Variants in SEC14L5 observed in about 807,000 individuals in gnomAD.
The protein encoded by SEC14L5 is SEC14 like lipid binding 5, also known as SEC14-like protein 5.
SEC14L5 carries 96 observed loss-of-function variants against 84.6 expected under a neutral mutation model. The observed-to-expected ratio is 1.13, with a 90% CI of 0.96 to 1.34. SEC14L5 has a LOEUF of 1.34. Among genes scored for constraint, SEC14L5 ranks in the 40% most tolerant of loss-of-function variants. The pLI is 0.00. For missense variants in SEC14L5, 1,224 were observed against 942.5 expected (o/e 1.30, Z -3.91); for synonymous variants, 546 against 383.4 (o/e 1.42, Z -4.95).
At chr16:4,985,808 A>T (rs929428214) in intron 2 of SEC14L5, among the ~76,000 whole-genome samples, 1 of 150,776 alleles carries the variant, frequency 6.6e-6, no homozygotes, top group Non-Finnish European at 1.5e-5. Context: ...AAATTATATT[A>T]TATAGAAACA....
intron 2 of SEC14L5, among the ~76,000 whole-genome samples, chr16:4,982,679 C>T (rs1168382577): frequency 6.6e-6 from 1 of 152,194 alleles, no homozygotes; most frequent in Non-Finnish European, 1.5e-5. Flanking sequence ...CTGTGTGAGA[C>T]ACACGGAGAG....
At chr16:4,981,242 G>A (rs987502498) in intron 2 of SEC14L5, among the ~76,000 whole-genome samples, 2 of 142,750 alleles carry the variant, frequency 1.4e-5, no homozygotes, top group African/African-American at 2.6e-5. Flanking sequence ...GCACCAGCAC[G>A]TCTAGCTAAT....
Position 5,011,256 on chromosome 16 carries a change from CG to C in SEC14L5, c.1963del (p.Ala655ProfsTer140). On this transcript the variant is annotated frameshift_variant, in exon 15 of 16. Coordinates refer to ENST00000251170, the MANE Select transcript of SEC14L5 (RefSeq NM_014692.2). LOFTEE classifies it high-confidence loss of function. ...CKLLYYCEVL[A>X]SEDFRGSMSS... Reference sequence around the variant, plus strand: ...AACTTCTCTACTACTGTGAGGTGCTCGCCTCTGAGGACTTCAGGTAGGAGGG... The same window carrying C: ...AACTTCTCTACTACTGTGAGGTGCTCCCTCTGAGGACTTCAGGTAGGAGGG... The C allele has an allele frequency of 6.2e-7, 1 of 1,613,708 alleles. No homozygotes were observed. Among genetic ancestry groups the C allele is most frequent in the Non-Finnish European group, 8.5e-7 (1 of 1,179,810 alleles).
chr16:5,012,173 G>A (rs1245112961), intron 15 of SEC14L5, among the ~76,000 whole-genome samples: 2 of 152,156 alleles, frequency 1.3e-5, no homozygotes, highest in Non-Finnish European at 2.9e-5. Flanking sequence ...TCAGGGGGCT[G>A]GCGATTCACT....
At chr16:5,008,027 C>G (rs899274320) in intron 13 of SEC14L5, among the ~76,000 whole-genome samples, 12 of 151,734 alleles carry the variant, frequency 7.9e-5, no homozygotes, top group African/African-American at 2.7e-4. Context: ...TCTGCCTCAG[C>G]CTCCCGAGTA....
At chr16:5,004,344 G>A (rs987128920) in intron 11 of SEC14L5, among the ~76,000 whole-genome samples, 3 of 152,134 alleles carry the variant, frequency 2.0e-5, no homozygotes, top group South Asian at 2.1e-4. Context: ...CCTAATCTCC[G>A]GGAAAATTAA....
chr16:4,999,688 C>T (rs1955654240), intron 8 of SEC14L5, among the ~76,000 whole-genome samples: 1 of 150,876 alleles, frequency 6.6e-6, no homozygotes, highest in Admixed American at 6.6e-5. Context: ...GCCGAGGCGG[C>T]AGATCACTTG....
In SEC14L5 at chr16:4,990,894, G is replaced by A. The variant is rs1568128809; in HGVS notation, c.473G>A (p.Arg158Lys). Residue 158 changes from arginine (R) to lysine (K), a missense_variant and splice_region_variant, in exon 5 of 16, where the codon AGG becomes AAG. Physicochemically the swap from Arg to Lys is conservative, Grantham distance 26. Transcript: ENST00000251170. Reference protein sequence around the residue: ...AMKQYTANVKRGKEVIEHYLN... With the variant: ...AMKQYTANVKKGKEVIEHYLN... ...AAGCAGTACACCGCCAACGTCAAGA[G>A]GGTAAGCGGTGGGTTGCGTTAGTTA... 2.5e-6 allele frequency: 4 copies of A among 1,587,140 alleles called. 1 individual carries two copies. The East Asian group carries it at 6.9e-5, about 27-fold the overall frequency.
At chr16:4,961,182 A>G (rs1209035075) in intron 2 of SEC14L5, among the ~76,000 whole-genome samples, 1 of 151,944 alleles carries the variant, frequency 6.6e-6, no homozygotes, top group Non-Finnish European at 1.5e-5. Context: ...CTGAAGCAGG[A>G]GAATCTCTTG....
At position 5,017,868 on chromosome 16, in the gene SEC14L5, G is replaced by A. The variant is rs1321236389; in HGVS notation, c.*2898G>A. On this transcript the variant is annotated 3_prime_UTR_variant, in exon 16 of 16. Coordinates refer to ENST00000251170, the MANE Select transcript of SEC14L5 (RefSeq NM_014692.2). ...CAAGGAAGGGATTGCCAAGCTTTTG[G>A]CTTTTGAATTTCCCCTGAGCCACAA... The A allele has an allele frequency of 2.0e-5, 3 of 152,200 alleles. No homozygotes were observed. Among genetic ancestry groups the A allele is most frequent in the African/African-American group, 7.2e-5 (3 of 41,446 alleles). The allele number at this position is 152,200 out of a possible 1,614,324, so 9.4% of individuals were successfully genotyped here.
intron 2 of SEC14L5, among the ~76,000 whole-genome samples, chr16:4,967,542 C>G (rs1299120030): frequency 1.4e-5 from 2 of 140,778 alleles, no homozygotes; most frequent in Non-Finnish European, 3.0e-5. Flanking sequence ...CGGATTCTGG[C>G]TCTGACTTTT....
At chr16:4,985,562 G>C (rs1955476620) in intron 2 of SEC14L5, among the ~76,000 whole-genome samples, 1 of 152,072 alleles carries the variant, frequency 6.6e-6, no homozygotes, top group Non-Finnish European at 1.5e-5. Context: ...ATATCCAATT[G>C]TCCCGGCACC....
intron 15 of SEC14L5, among the ~76,000 whole-genome samples, chr16:5,013,833 C>T (rs891589965): frequency 2.6e-5 from 4 of 152,148 alleles, no homozygotes; most frequent in Non-Finnish European, 5.9e-5. Flanking sequence ...GCTGGGATTA[C>T]AGGCATGAGC....
At chr16:4,982,341 C>G (rs968942943) in intron 2 of SEC14L5, among the ~76,000 whole-genome samples, 3 of 152,170 alleles carry the variant, frequency 2.0e-5, no homozygotes, top group Non-Finnish European at 4.4e-5. Context: ...GTGACAGGCG[C>G]TAGGAGCAGA....
At chr16:4,986,613 C>G (rs767636894) in intron 2 of SEC14L5, among the ~76,000 whole-genome samples, 5 of 152,160 alleles carry the variant, frequency 3.3e-5, no homozygotes, top group East Asian at 1.9e-4. Flanking sequence ...AATCTGTAGA[C>G]TAGTTGGGGA....
At chr16:5,005,043 GC>G (rs1224555946) in intron 11 of SEC14L5, among the ~76,000 whole-genome samples, 37 of 152,362 alleles carry the variant, frequency 2.4e-4, no homozygotes, top group Middle Eastern at 3.4e-3. Flanking sequence ...GGGCGAGGTG[GC>G]TCACGCCTGT....
At chr16:4,976,144 C>A (rs1212553276) in intron 2 of SEC14L5, among the ~76,000 whole-genome samples, 1 of 152,204 alleles carries the variant, frequency 6.6e-6, no homozygotes, top group Non-Finnish European at 1.5e-5. Context: ...ATGTGCCAGG[C>A]ACTGCTCTAA....
chr16:5,001,282 G>A (rs1369257552), intron 10 of SEC14L5, among the ~76,000 whole-genome samples: 3 of 141,486 alleles, frequency 2.1e-5, no homozygotes, highest in African/African-American at 8.0e-5. Flanking sequence ...TTTTTGAAAC[G>A]GAGTCTCGCT....
chr16:4,964,862 C>T (rs906657730), intron 2 of SEC14L5, among the ~76,000 whole-genome samples: 1 of 152,024 alleles, frequency 6.6e-6, no homozygotes, highest in African/African-American at 2.4e-5. Flanking sequence ...TCCTGAGTAG[C>T]TGGGATTACA....
Sources: allele counts gnomAD v4.1 joint callset (sites outside exome capture counted in the v4.1 genomes callset), GRCh38; gene constraint gnomAD v4.1.1; transcripts MANE v1.5; gene names NCBI Gene and HGNC (gene_info 2026-07-23, HGNC 2026-07-21).